Variants in OSBPL3 observed in about 807,000 individuals in gnomAD.
The protein encoded by OSBPL3 is oxysterol-binding protein-related protein 3.
OSBPL3 carries 65 observed loss-of-function variants against 120.1 expected under a neutral mutation model. That is an observed-to-expected ratio of 0.54 (90% CI 0.44 to 0.67). OSBPL3 has a LOEUF of 0.67. Among genes scored for constraint, OSBPL3 ranks in the 30% least tolerant of loss-of-function variants. The pLI is 0.00. For synonymous variants in OSBPL3, 416 were observed against 402.6 expected, an observed-to-expected ratio of 1.03 and a Z score of -0.40; for missense variants, 1,004 against 1,082.1, an observed-to-expected ratio of 0.93 and a Z score of 1.01.
Position 24,916,157 on chromosome 7 carries a change from G to A in OSBPL3, c.-149-23536C>T, listed in dbSNP as rs1410732223. On this transcript the variant is annotated intron_variant, in intron 1 of 22. Coordinates refer to ENST00000313367, the MANE Select transcript of OSBPL3 (RefSeq NM_015550.4). This position sits in a 1 kb window ranked among gnomAD's most constrained non-coding sequence, Gnocchi z 4.9. ...TTTCACCTCTCTTCTGAACCTAAGAGAACAAATACTCTTATGCTACAGAAT... is the reference window on the plus strand; with the variant it reads ...TTTCACCTCTCTTCTGAACCTAAGAAAACAAATACTCTTATGCTACAGAAT... 6.6e-6 allele frequency among the ~76,000 whole-genome samples: 1 copy of A among 152,182 alleles called. No homozygotes were observed. Among genetic ancestry groups the A allele is most frequent in the African/African-American group, 2.4e-5 (1 of 41,436 alleles).
rs1584158743 is a variant in OSBPL3, at chr7:24,802,114, A to G, written c.2568-1835T>C. Among the ~76,000 whole-genome samples the G allele has an allele frequency of 6.6e-6, 1 of 152,320 alleles. No homozygotes were observed. The highest frequency in any genetic ancestry group is 1.9e-4 in the East Asian group (1 of 5,190). On this transcript the variant is annotated intron_variant, in intron 22 of 22. Coordinates refer to ENST00000313367, the MANE Select transcript of OSBPL3 (RefSeq NM_015550.4). This position sits in a 1 kb window ranked among gnomAD's most constrained non-coding sequence, Gnocchi z 4.1. ...TTTTCCTACACTCTCAGGAATGTAG[A>G]TTTTTATCACACTTGTTTCCCTATT...
rs530746777 is a variant in OSBPL3 at position 24,920,159 on chromosome 7, T to C, written c.-149-27538A>G. 6.6e-5 allele frequency among the ~76,000 whole-genome samples: 10 copies of C among 152,204 alleles called. No individual in the cohort carries two copies. In the South Asian group the frequency reaches 2.1e-3, roughly 32 times the overall value. The stretch of plus-strand genomic sequence containing the variant: ...ACTCCCAGGTATAAACCCAGACATA[T>C]GAAAATGTATGTCTACATGAAATCT... On this transcript the variant is annotated intron_variant, in intron 1 of 22. Transcript: ENST00000313367.
chr7:24,960,049 T>G (rs564408327), intron 1 of OSBPL3, among the ~76,000 whole-genome samples: 1 of 152,216 alleles, frequency 6.6e-6, no homozygotes, highest in Admixed American at 6.5e-5. Flanking sequence ...TACTCTTAAA[T>G]GAACCTTCTG....
chr7:24,880,382 C>T (rs1291853475), intron 2 of OSBPL3, among the ~76,000 whole-genome samples: 2 of 152,150 alleles, frequency 1.3e-5, no homozygotes, highest in Non-Finnish European at 2.9e-5. Flanking sequence ...TCCAGGGCCA[C>T]CTACTGACCC....
rs1794956306 is a variant in OSBPL3, at chr7:24,820,240, T to C, written c.1885-2A>G. The C allele has an allele frequency of 6.2e-7, 1 of 1,610,270 alleles. No individual in the cohort carries two copies. The highest frequency in any genetic ancestry group is 1.1e-5 in the South Asian group (1 of 90,642). On this transcript the variant is annotated splice_acceptor_variant, in intron 16 of 22. Transcript: ENST00000313367. LOFTEE classifies it high-confidence loss of function. The surrounding 1 kb of genome is among the most constrained non-coding windows in gnomAD (Gnocchi z 4.6). The stretch of plus-strand genomic sequence containing the variant: ...AGAGATAGGCGGATGGTGGCTGACC[T>C]GATGGAAACAAAGGACAGAAAAACA...
At chr7:24,944,587 G>A (rs565989847) in intron 1 of OSBPL3, among the ~76,000 whole-genome samples, 68 of 149,070 alleles carry the variant, frequency 4.6e-4, no homozygotes, top group African/African-American at 1.3e-3. Flanking sequence ...CTGAGATTGC[G>A]CCACTGCACT....
rs546230706 is a variant in OSBPL3, at chr7:24,855,466, G to C, written c.1028-2832C>G. Among the ~76,000 whole-genome samples, 1 of 152,194 alleles carries C rather than the reference G, an allele frequency of 6.6e-6. No homozygotes were observed. The highest frequency in any genetic ancestry group is 6.5e-5 in the Admixed American group (1 of 15,276). ...GATTGCAATAGGTGTAAGATAAGCAGAAAGAAACTCATATAGTCATTATAT... is the reference window on the plus strand; with the variant it reads ...GATTGCAATAGGTGTAAGATAAGCACAAAGAAACTCATATAGTCATTATAT... On this transcript the variant is annotated intron_variant, in intron 10 of 22. Transcript: ENST00000313367. The surrounding 1 kb of genome is among the most constrained non-coding windows in gnomAD (Gnocchi z 4.3).
At position 24,900,944 on chromosome 7, in the gene OSBPL3, C is replaced by T. The variant is rs936218079; in HGVS notation, c.-149-8323G>A. ...GCTGAAGTGGGAGGATGACTTGAGT[C>T]TGGGAGGCGGAGGTTGCAGTGAGCT... On this transcript the variant is annotated intron_variant, in intron 1 of 22. Coordinates refer to ENST00000313367, the MANE Select transcript of OSBPL3 (RefSeq NM_015550.4). The surrounding 1 kb of genome is among the most constrained non-coding windows in gnomAD (Gnocchi z 4.5). Among the ~76,000 whole-genome samples, 1 of 150,856 alleles carries T rather than the reference C, an allele frequency of 6.6e-6. No individual in the cohort carries two copies. Among genetic ancestry groups the T allele is most frequent in the Non-Finnish European group, 1.5e-5 (1 of 67,914 alleles).
chr7:24,941,592 C>G (rs1813116682), intron 1 of OSBPL3, among the ~76,000 whole-genome samples: 1 of 152,194 alleles, frequency 6.6e-6, no homozygotes, highest in Non-Finnish European at 1.5e-5. Flanking sequence ...TCACCCAGAG[C>G]ACTGGCTTTC....
chr7:24,813,535 G>A lies in OSBPL3; in HGVS notation c.2172+1524C>T, dbSNP rs2391001. Reference sequence around the variant, plus strand: ...TCTGTTTGCAGAGAGCTTAGACAAAGCTTTCAAGGTAGGGTCATTTTTATT... The same window carrying A: ...TCTGTTTGCAGAGAGCTTAGACAAAACTTTCAAGGTAGGGTCATTTTTATT... On this transcript the variant is annotated intron_variant, in intron 19 of 22. Transcript: ENST00000313367. This position sits in a 1 kb window ranked among gnomAD's most constrained non-coding sequence, Gnocchi z 4.5. 0.26 allele frequency among the ~76,000 whole-genome samples: 40,268 copies of A among 152,010 alleles called. 6,578 individuals carry two copies. Among genetic ancestry groups the A allele is most frequent in the East Asian group, 0.74 (3,808 of 5,158 alleles).
chr7:24,901,037 G>C (rs1481747475), intron 1 of OSBPL3, among the ~76,000 whole-genome samples: 11 of 113,110 alleles, frequency 9.7e-5, no homozygotes, highest in African/African-American at 3.5e-4. Context: ...AAAAAAAAAA[G>C]AGAGAGAGAT....
At position 24,960,278 on chromosome 7, in the gene OSBPL3, A is replaced by G. The variant is rs1815570427; in HGVS notation, c.-150+19608T>C. 2.6e-5 allele frequency among the ~76,000 whole-genome samples: 4 copies of G among 152,312 alleles called. No individual in the cohort carries two copies. In the South Asian group the frequency reaches 8.3e-4, roughly 32 times the overall value. ...CTTCCACCTCATTAGTCTTCTAAAA[A>G]TATTCTCATAATACAAAGGCATGCC... is the stretch of plus-strand genomic sequence containing the variant. On this transcript the variant is annotated intron_variant, in intron 1 of 22. Coordinates refer to ENST00000313367, the MANE Select transcript of OSBPL3 (RefSeq NM_015550.4).
intron 12 of OSBPL3, among the ~76,000 whole-genome samples, chr7:24,843,696 A>G (rs962661119): frequency 6.6e-5 from 10 of 152,182 alleles, no homozygotes; most frequent in African/African-American, 1.9e-4. Flanking sequence ...AATCCTACCC[A>G]TTTTAATACC....
chr7:24,807,039 C>T lies in OSBPL3; in HGVS notation c.2318-137G>A, dbSNP rs1341058243. The T allele has an allele frequency of 1.4e-5, 10 of 725,620 alleles. No individual in the cohort carries two copies. The Admixed American group carries it at 2.8e-4, about 20-fold the overall frequency. 44.9% of individuals were successfully genotyped at this position (725,620 alleles called of 1,614,324 possible). On this transcript the variant is annotated intron_variant, in intron 20 of 22. Transcript: ENST00000313367. ...TTCCATTTCTGTTAAAATATTCTGA[C>T]TAATGAACAGGCACTGAACATTTCT...
At chr7:24,814,200 G>C (rs1190822771) in intron 19 of OSBPL3, among the ~76,000 whole-genome samples, 1 of 152,076 alleles carries the variant, frequency 6.6e-6, no homozygotes, top group Non-Finnish European at 1.5e-5. Flanking sequence ...AATGAAGAAA[G>C]AGAAAGAAGG....
At position 24,861,764 on chromosome 7, in the gene OSBPL3, C is replaced by T. The variant is rs751354870; in HGVS notation, c.876G>A (p.Pro292=). 7.6e-6 allele frequency: 12 copies of T among 1,585,656 alleles called. No individual in the cohort carries two copies. Among genetic ancestry groups the T allele is most frequent in the Admixed American group, 3.7e-5 (2 of 54,712 alleles). ...GKDAKGTLQV[P]KPFSGPVRLH... ...GTCTTACTGGGCCAGAAAAAGGTTT[C>T]GGGACCTGAAGTAACACCAAAGGGA... The change falls in exon 10 of 23, where the codon CCG becomes CCA. Residue 292 remains proline, a synonymous_variant. Transcript: ENST00000313367.
intron 1 of OSBPL3, among the ~76,000 whole-genome samples, chr7:24,944,755 C>T (rs1813522034): frequency 6.6e-6 from 1 of 152,162 alleles, no homozygotes; most frequent in Non-Finnish European, 1.5e-5. Flanking sequence ...AAGGTTTGTA[C>T]CACAATATGG....
chr7:24,865,464 C>CGCT lies in OSBPL3; in HGVS notation c.550-2_550dup (p.Lys183_Arg184insGln), dbSNP rs1562850650. On this transcript the variant is annotated inframe_insertion and splice_region_variant, in exon 7 of 23. Transcript: ENST00000313367. ...TAAATTCTGCTTTGATATACTGCTACGCTGTTCCACGGATGACAAAAGCAC... is the reference window on the plus strand; with the variant it reads ...TAAATTCTGCTTTGATATACTGCTACGCTGCTGTTCCACGGATGACAAAAGCAC... 1 of 1,613,204 alleles carries CGCT rather than the reference C, an allele frequency of 6.2e-7. No individual in the cohort carries two copies. Among genetic ancestry groups the CGCT allele is most frequent in the Admixed American group, 1.7e-5 (1 of 59,978 alleles).
intron 2 of OSBPL3, among the ~76,000 whole-genome samples, chr7:24,884,082 CAGCAACAACA>C (rs1804108008): frequency 2.2e-5 from 2 of 89,094 alleles, no homozygotes; most frequent in African/African-American, 1.3e-4. Context: ...CAAACAACAA[CAGCAACAACA>C]AAAAAAAACA....
Sources: allele counts gnomAD v4.1 joint callset (sites outside exome capture counted in the v4.1 genomes callset), GRCh38; gene constraint gnomAD v4.1.1; non-coding constraint Gnocchi (gnomAD v3.1); transcripts MANE v1.5; gene names NCBI Gene and HGNC (gene_info 2026-07-23, HGNC 2026-07-21).